THSD4: variants seen among roughly 807,000 people sequenced by gnomAD.
THSD4 encodes the protein thrombospondin type-1 domain-containing protein 4.
Under a neutral mutation model 119.0 loss-of-function variants are expected in THSD4, and 69 were observed. The ratio of observed to expected loss-of-function variants is 0.58; its 90% CI spans 0.48 to 0.71. The LOEUF (loss-of-function observed/expected upper bound fraction) is 0.71, where lower values mean the gene tolerates loss of function less well. THSD4 is among the 30% of genes least tolerant of loss of function. THSD4 has a pLI of 0.00. For synonymous variants in THSD4, 524 were observed against 540.4 expected (o/e 0.97, Z 0.42); for missense variants, 1,393 against 1,391.1 (o/e 1.00, Z -0.02).
chr15:71,367,209 T>C (rs571763057), intron 6 of THSD4, among the ~76,000 whole-genome samples: 4 of 144,886 alleles, frequency 2.8e-5, no homozygotes, highest in African/African-American at 1.0e-4. Flanking sequence ...TACCTCATGC[T>C]AGGCTCTCTT....
chr15:71,280,444 AAAAT>A (rs1295716845), intron 6 of THSD4, among the ~76,000 whole-genome samples: 8 of 152,360 alleles, frequency 5.3e-5, no homozygotes, highest in East Asian at 1.9e-4. Context: ...AAAAGGGGTG[AAAAT>A]AAATAATTTG....
chr15:71,116,351 C>G (rs542068865), intron 1 of THSD4, among the ~76,000 whole-genome samples: 12 of 152,256 alleles, frequency 7.9e-5, no homozygotes, highest in Non-Finnish European at 1.2e-4. Flanking sequence ...ACAGCGAGCT[C>G]ACCTTGGAGC....
At chr15:71,690,878 A>T (rs926296479) in intron 8 of THSD4, among the ~76,000 whole-genome samples, 4 of 152,214 alleles carry the variant, frequency 2.6e-5, no homozygotes, top group African/African-American at 4.8e-5. Context: ...CTTCCACAAC[A>T]TGTGAGAATT....
chr15:71,167,036 A>G (rs2043300813), intron 3 of THSD4: 1 of 152,094 alleles, frequency 6.6e-6, no homozygotes, highest in Admixed American at 6.5e-5. Flanking sequence ...ATTGCCATTC[A>G]CTCAAGACAA....
chr15:71,691,964 G>A (rs902278871), intron 8 of THSD4, among the ~76,000 whole-genome samples: 8 of 152,164 alleles, frequency 5.3e-5, no homozygotes, highest in African/African-American at 1.9e-4. Context: ...GCCAAACACA[G>A]CAGTGTGGTT....
chr15:71,493,564 A>G (rs2047958549), intron 7 of THSD4, among the ~76,000 whole-genome samples: 1 of 152,184 alleles, frequency 6.6e-6, no homozygotes, highest in African/African-American at 2.4e-5. Context: ...ACTAGTCTAT[A>G]TCAACATTAG....
chr15:71,606,405 C>G (rs755206593), intron 7 of THSD4, among the ~76,000 whole-genome samples: 2 of 152,128 alleles, frequency 1.3e-5, no homozygotes, highest in Non-Finnish European at 2.9e-5. Context: ...TTTTATATTC[C>G]TTGTCACTTA....
At chr15:71,101,500 T>C (rs927456714) in intron 1 of THSD4, among the ~76,000 whole-genome samples, 62 of 152,320 alleles carry the variant, frequency 4.1e-4, no homozygotes, top group African/African-American at 1.5e-3. Flanking sequence ...TCCAGGTATC[T>C]ACCATTTCAG....
At chr15:71,668,499 G>T (rs773690443) in intron 8 of THSD4, among the ~76,000 whole-genome samples, 2 of 152,116 alleles carry the variant, frequency 1.3e-5, no homozygotes, top group Non-Finnish European at 2.9e-5. Flanking sequence ...GGCTGAAAAT[G>T]GGGAAAGAAG....
At chr15:71,299,973 AAAAAT>A (rs1288760979) in intron 6 of THSD4, among the ~76,000 whole-genome samples, 1,158 of 37,396 alleles carry the variant, frequency 0.031, 15 homozygotes, top group African/African-American at 0.063. Context: ...AAAAAAAAAA[AAAAAT>A]ATATATATAT....
At chr15:71,697,337 G>A (rs960486637) in intron 8 of THSD4, among the ~76,000 whole-genome samples, 1 of 152,222 alleles carries the variant, frequency 6.6e-6, no homozygotes, top group African/African-American at 2.4e-5. Flanking sequence ...TGAAATTGGG[G>A]AGTGAAGGAG....
chr15:71,484,580 T>TTTAAAA (rs1181693937), intron 7 of THSD4, among the ~76,000 whole-genome samples: 1 of 152,174 alleles, frequency 6.6e-6, no homozygotes, highest in African/African-American at 2.4e-5. Context: ...TCAGCATACC[T>TTTAAAA]GTGATCTCAT....
intron 7 of THSD4, among the ~76,000 whole-genome samples, chr15:71,614,463 T>C (rs981595075): frequency 3.9e-5 from 6 of 152,202 alleles, no homozygotes; most frequent in African/African-American, 1.4e-4. Flanking sequence ...CCATCTTCTG[T>C]GTGCAACGTT....
intron 6 of THSD4, among the ~76,000 whole-genome samples, chr15:71,314,631 G>A (rs545368092): frequency 6.6e-6 from 1 of 152,150 alleles, no homozygotes; most frequent in Non-Finnish European, 1.5e-5. Flanking sequence ...TTTTAAAAGA[G>A]AAAAGTACTT....
intron 6 of THSD4, among the ~76,000 whole-genome samples, chr15:71,287,299 T>C (rs1439077319): frequency 6.6e-6 from 1 of 152,232 alleles, no homozygotes; most frequent in Non-Finnish European, 1.5e-5. Context: ...CATTTCATCA[T>C]GCTGTGTTAA....
intron 7 of THSD4, among the ~76,000 whole-genome samples, chr15:71,459,392 C>CTG (rs1308166263): frequency 6.6e-6 from 1 of 151,242 alleles, no homozygotes; most frequent in Non-Finnish European, 1.5e-5. Context: ...CTCTCTCTCT[C>CTG]TCTCTCTCTC....
chr15:71,676,947 A>G (rs190591451), intron 8 of THSD4, among the ~76,000 whole-genome samples: 1 of 152,244 alleles, frequency 6.6e-6, no homozygotes, highest in East Asian at 1.9e-4. Flanking sequence ...ACTACTTCCA[A>G]TTCTTTTGGG....
intron 2 of THSD4, among the ~76,000 whole-genome samples, chr15:71,152,435 AT>A (rs1421134437): frequency 0.015 from 2,237 of 151,226 alleles, 52 homozygotes; most frequent in African/African-American, 0.053. Flanking sequence ...AAAAAAAAAA[AT>A]AAAAATCAAC....
intron 7 of THSD4, among the ~76,000 whole-genome samples, chr15:71,528,736 T>G (rs1360331557): frequency 6.6e-6 from 1 of 152,204 alleles, no homozygotes; most frequent in African/African-American, 2.4e-5. Flanking sequence ...TGAGACATGC[T>G]TCTTTCACAG....
Sources: allele counts gnomAD v4.1 joint callset (sites outside exome capture counted in the v4.1 genomes callset), GRCh38; gene constraint gnomAD v4.1.1; transcripts MANE v1.5; gene names NCBI Gene and HGNC (gene_info 2026-07-23, HGNC 2026-07-21).